THEMIS: variants seen among roughly 807,000 people sequenced by gnomAD.
THEMIS encodes protein THEMIS.
Under a neutral mutation model 52.6 loss-of-function variants are expected in THEMIS, and 37 were observed. The observed-to-expected ratio is 0.70, with a 90% confidence interval of 0.54 to 0.93. THEMIS has a LOEUF of 0.93. Ranked by LOEUF, THEMIS falls within the 40% of genes least tolerant of loss-of-function variation. THEMIS has a pLI of 0.00. For synonymous variants in THEMIS, 292 were observed against 272.7 expected (o/e 1.07, Z -0.70); for missense variants, 808 against 763.1 (o/e 1.06, Z -0.69).
intron 4 of THEMIS, among the ~76,000 whole-genome samples, chr6:127,766,120 T>G (rs142457039): frequency 1.6e-3 from 238 of 152,250 alleles, no homozygotes; most frequent in African/African-American, 5.4e-3. Context: ...GAAATCGCTG[T>G]CTAATATTCT....
intron 4 of THEMIS, among the ~76,000 whole-genome samples, chr6:127,756,565 T>C (rs1775834353): frequency 6.6e-6 from 1 of 152,230 alleles, no homozygotes; most frequent in Non-Finnish European, 1.5e-5. Context: ...GCATCATCTA[T>C]TATTTTTCAC....
At chr6:127,915,097 T>C (rs1781493173) in intron 1 of THEMIS, among the ~76,000 whole-genome samples, 1 of 152,202 alleles carries the variant, frequency 6.6e-6, no homozygotes, top group Non-Finnish European at 1.5e-5. Context: ...TTTGTCCTAT[T>C]TTTAGGAAAT....
intron 1 of THEMIS, among the ~76,000 whole-genome samples, chr6:127,874,466 A>C (rs1312623289): frequency 6.6e-6 from 1 of 152,230 alleles, no homozygotes; most frequent in Non-Finnish European, 1.5e-5. Context: ...ATTAGTAGCT[A>C]CATATATTGT....
intron 4 of THEMIS, among the ~76,000 whole-genome samples, chr6:127,748,660 T>G (rs1407279743): frequency 2.6e-5 from 4 of 151,978 alleles, no homozygotes; most frequent in Non-Finnish European, 5.9e-5. Context: ...CAAGATCTGA[T>G]AGCCAAATGG....
chr6:127,882,757 A>C (rs557768691), intron 1 of THEMIS, among the ~76,000 whole-genome samples: 9 of 151,960 alleles, frequency 5.9e-5, no homozygotes, highest in African/African-American at 2.2e-4. Flanking sequence ...GTTTTGTCTA[A>C]GTATTTAAAA....
intron 4 of THEMIS, among the ~76,000 whole-genome samples, chr6:127,722,453 T>C (rs758273561): frequency 6.6e-6 from 1 of 151,916 alleles, no homozygotes; most frequent in Non-Finnish European, 1.5e-5. Context: ...CTCAATTCTC[T>C]CTCTTCCCTC....
At chr6:127,830,140 A>C (rs947923628) in intron 2 of THEMIS, among the ~76,000 whole-genome samples, 3 of 152,194 alleles carry the variant, frequency 2.0e-5, no homozygotes, top group African/African-American at 7.2e-5. Flanking sequence ...TCATAAGACC[A>C]GACAATACAA....
chr6:127,819,716 GACTT>G (rs371967906), intron 3 of THEMIS, among the ~76,000 whole-genome samples: 32 of 152,178 alleles, frequency 2.1e-4, no homozygotes, highest in African/African-American at 7.7e-4. Context: ...GAGAAATAAA[GACTT>G]ACTTATGTGA....
At chr6:127,787,880 T>TGATAGATAGATAGATATAG (rs1554224619) in intron 4 of THEMIS, among the ~76,000 whole-genome samples, 1 of 119,908 alleles carries the variant, frequency 8.3e-6, no homozygotes, top group East Asian at 2.3e-4. Context: ...GATAGATAGA[T>TGATAGATAGATAGATATAG]ATAGATAGAT....
intron 1 of THEMIS, among the ~76,000 whole-genome samples, chr6:127,889,020 C>A (rs1780726488): frequency 1.3e-5 from 2 of 151,980 alleles, no homozygotes; most frequent in Admixed American, 1.3e-4. Flanking sequence ...ACTTCAAAAT[C>A]TCAGAGATTA....
intron 2 of THEMIS, among the ~76,000 whole-genome samples, chr6:127,842,162 A>G (rs1179468137): frequency 6.6e-6 from 1 of 152,064 alleles, no homozygotes; most frequent in Non-Finnish European, 1.5e-5. Context: ...TTTTCCTATC[A>G]GGTCCTTTAG....
At chr6:127,848,710 G>A (rs1005392614) in intron 2 of THEMIS, among the ~76,000 whole-genome samples, 18 of 152,064 alleles carry the variant, frequency 1.2e-4, no homozygotes, top group African/African-American at 4.3e-4. Context: ...TCTGTTGACT[G>A]CATAAATGTC....
chr6:127,840,608 T>A (rs932668946), intron 2 of THEMIS, among the ~76,000 whole-genome samples: 2 of 152,106 alleles, frequency 1.3e-5, no homozygotes, highest in Non-Finnish European at 2.9e-5. Flanking sequence ...TCTTATAGCT[T>A]TAAAAACTCG....
chr6:127,867,961 C>T (rs1369200341), intron 1 of THEMIS, among the ~76,000 whole-genome samples: 2 of 151,916 alleles, frequency 1.3e-5, no homozygotes, highest in African/African-American at 4.8e-5. Context: ...TTTCTTCATT[C>T]ATTCCTAGGC....
intron 4 of THEMIS, among the ~76,000 whole-genome samples, chr6:127,772,139 T>C (rs1169444574): frequency 6.6e-6 from 1 of 152,066 alleles, no homozygotes; most frequent in Non-Finnish European, 1.5e-5. Context: ...CTAGATTTCT[T>C]CCATGTGTTA....
chr6:127,904,607 T>C (rs1163370644), upstream of THEMIS, among the ~76,000 whole-genome samples: 1 of 151,838 alleles, frequency 6.6e-6, no homozygotes, highest in African/African-American at 2.4e-5. Flanking sequence ...AAATACAACA[T>C]CTATAATTAA....
At chr6:127,824,636 A>G (rs1287367998) in intron 3 of THEMIS, among the ~76,000 whole-genome samples, 1 of 152,128 alleles carries the variant, frequency 6.6e-6, no homozygotes, top group Non-Finnish European at 1.5e-5. Context: ...GATATTTTGC[A>G]GTGAACGCTT....
chr6:127,874,097 T>C (rs555829147), intron 1 of THEMIS, among the ~76,000 whole-genome samples: 1 of 152,344 alleles, frequency 6.6e-6, no homozygotes, highest in East Asian at 1.9e-4. Context: ...AGCACTATGA[T>C]GGAACGTTTG....
chr6:127,804,171 G>A (rs1432842655), intron 4 of THEMIS, among the ~76,000 whole-genome samples: 3 of 152,098 alleles, frequency 2.0e-5, no homozygotes, highest in African/African-American at 7.2e-5. Flanking sequence ...GGAGATCAGA[G>A]AAGAGCTACC....
Sources: gnomAD v4.1 joint callset for allele counts (sites outside exome capture counted in the v4.1 genomes callset) on GRCh38, gnomAD v4.1.1 for gene constraint, MANE v1.5 for transcripts, NCBI Gene and HGNC (gene_info 2026-07-23, HGNC 2026-07-21) for gene names.